The following GRM7 variants were observed in gnomAD, a reference collection of about 807,000 sequenced individuals.
GRM7 encodes the protein glutamate metabotropic receptor 7.
In GRM7, 35 loss-of-function variants were observed where a neutral mutation model predicts 84.5. The observed-to-expected ratio is 0.41, with a 90% CI of 0.32 to 0.55. The LOEUF is 0.55. Among genes scored for constraint, GRM7 ranks in the 20% least tolerant of loss-of-function variants. The probability of loss-of-function intolerance (pLI) is 0.19; values close to 1 mark genes in which losing one functional copy is unlikely to be tolerated. For missense variants in GRM7, 1,003 were observed against 1,194.6 expected, an observed-to-expected ratio of 0.84 and a Z score of 2.36; for synonymous variants, 487 against 455.1, an observed-to-expected ratio of 1.07 and a Z score of -0.89.
chr3:6,886,692 G>A (rs901945937), intron 1 of GRM7, among the ~76,000 whole-genome samples: 2 of 151,664 alleles, frequency 1.3e-5, no homozygotes, highest in African/African-American at 4.8e-5. Flanking sequence ...CTGCTTAGGC[G>A]AGATGGTAAA....
intron 1 of GRM7, among the ~76,000 whole-genome samples, chr3:7,005,689 T>C (rs1695158206): frequency 6.6e-6 from 1 of 152,194 alleles, no homozygotes; most frequent in East Asian, 1.9e-4. Flanking sequence ...AGAATCAAAA[T>C]TTTAATTTAA....
At chr3:6,881,698 A>T (rs1324217348) in intron 1 of GRM7, among the ~76,000 whole-genome samples, 1 of 152,156 alleles carries the variant, frequency 6.6e-6, no homozygotes, top group Non-Finnish European at 1.5e-5. Flanking sequence ...ACTCAACATC[A>T]CTGATCATTA....
chr3:6,882,298 C>G lies in GRM7; in HGVS notation c.519+20391C>G, dbSNP rs150621711. 3.5e-4 allele frequency among the ~76,000 whole-genome samples: 53 copies of G among 152,130 alleles called. No homozygotes were observed. In the East Asian group the frequency reaches 9.7e-3, roughly 28 times the overall value. ...AGGGTAATTGGAAAATTCGGGAAAT[C>G]TAAAGCTTCTTGTTGAAAATTAAAA... is the stretch of plus-strand genomic sequence containing the variant. On this transcript the variant is annotated intron_variant, in intron 1 of 9. Transcript: ENST00000357716.
At chr3:7,363,291 A>G (rs1348973273) in intron 4 of GRM7, among the ~76,000 whole-genome samples, 3 of 152,026 alleles carry the variant, frequency 2.0e-5, no homozygotes, top group African/African-American at 4.8e-5. Context: ...CTTTAAGATG[A>G]TTTGTTCTGC....
At chr3:7,597,542 A>G (rs1353288370) in intron 8 of GRM7, among the ~76,000 whole-genome samples, 1 of 152,134 alleles carries the variant, frequency 6.6e-6, no homozygotes, top group African/African-American at 2.4e-5. Flanking sequence ...ATGATCTTCC[A>G]TTACCAGACT....
chr3:6,888,082 GT>G (rs1458808831), intron 1 of GRM7, among the ~76,000 whole-genome samples: 10 of 151,994 alleles, frequency 6.6e-5, no homozygotes, highest in Admixed American at 1.3e-4. Flanking sequence ...GGGGTTGTTT[GT>G]TTTTTTCTTG....
chr3:6,956,615 C>T (rs1448930739), intron 1 of GRM7: 2 of 456,588 alleles, frequency 4.4e-6, no homozygotes, highest in Admixed American at 4.7e-5. Context: ...AAACGTCCTT[C>T]AAAAGTAAGT....
chr3:7,712,597 T>A (rs912363142), intron 9 of GRM7, among the ~76,000 whole-genome samples: 3 of 151,908 alleles, frequency 2.0e-5, no homozygotes, highest in Non-Finnish European at 1.5e-5. Flanking sequence ...AAATCTCACC[T>A]TTGTTAAGTA....
At chr3:7,322,832 C>G (rs935817421) in intron 4 of GRM7, among the ~76,000 whole-genome samples, 1 of 151,948 alleles carries the variant, frequency 6.6e-6, no homozygotes, top group African/African-American at 2.4e-5. Flanking sequence ...AGTTGAAGCA[C>G]AAAATTCGTT....
intron 4 of GRM7, among the ~76,000 whole-genome samples, chr3:7,373,116 G>A (rs1433428724): frequency 6.6e-6 from 1 of 152,086 alleles, no homozygotes; most frequent in African/African-American, 2.4e-5. Context: ...TCAGTATGAA[G>A]TTACACAGTT....
intron 5 of GRM7, among the ~76,000 whole-genome samples, chr3:7,422,695 A>G (rs1559311152): frequency 6.6e-6 from 1 of 152,146 alleles, no homozygotes; most frequent in African/African-American, 2.4e-5. Context: ...AGTACTGACC[A>G]TATAACACTG....
chr3:7,740,111 A>C (rs144545170), intron 9 of GRM7, among the ~76,000 whole-genome samples: 1 of 152,192 alleles, frequency 6.6e-6, no homozygotes, highest in Non-Finnish European at 1.5e-5. Context: ...TTATTAATAG[A>C]GTATAAAGAG....
At chr3:7,452,572 GTGTGTGTGT>G in intron 5 of GRM7, 26 bp from the exon 6 acceptor site, 1 of 1,281,236 alleles carries the variant, frequency 7.8e-7, no homozygotes, top group Non-Finnish European at 1.1e-6. Flanking sequence ...GTGTGTGTGT[GTGTGTGTGT>G]GTGTGTTTCT....
chr3:7,213,769 C>A (rs988609041), intron 2 of GRM7, among the ~76,000 whole-genome samples: 1 of 152,094 alleles, frequency 6.6e-6, no homozygotes, highest in East Asian at 1.9e-4. Context: ...ATGGACTGCC[C>A]CTGGAGACGG....
chr3:7,324,875 C>A (rs1700924628), intron 4 of GRM7, among the ~76,000 whole-genome samples: 1 of 152,140 alleles, frequency 6.6e-6, no homozygotes, highest in African/African-American at 2.4e-5. Flanking sequence ...CTAACCTTGG[C>A]CCAGCACCTG....
At chr3:6,965,405 C>A (rs1332128032) in intron 1 of GRM7, among the ~76,000 whole-genome samples, 1 of 152,100 alleles carries the variant, frequency 6.6e-6, no homozygotes, top group African/African-American at 2.4e-5. Flanking sequence ...GCAGCCTCAA[C>A]CTCCCAGGCT....
chr3:7,095,093 G>C (rs1235353078), intron 1 of GRM7, among the ~76,000 whole-genome samples: 1 of 151,622 alleles, frequency 6.6e-6, no homozygotes, highest in Non-Finnish European at 1.5e-5. Context: ...CTTGGTCTCT[G>C]GTGTTGATTT....
chr3:7,299,354 A>G (rs1314693631), intron 3 of GRM7, among the ~76,000 whole-genome samples: 2 of 152,178 alleles, frequency 1.3e-5, no homozygotes, highest in Non-Finnish European at 2.9e-5. Flanking sequence ...CAAGCCACAT[A>G]GAAACAAGCT....
chr3:7,558,226 A>G (rs1331342454), intron 7 of GRM7, among the ~76,000 whole-genome samples: 2 of 152,092 alleles, frequency 1.3e-5, no homozygotes, highest in African/African-American at 4.8e-5. Flanking sequence ...TTCCAAGTTC[A>G]GGGGAATAAT....
Sources: gnomAD v4.1 joint callset for allele counts (sites outside exome capture counted in the v4.1 genomes callset) on GRCh38, gnomAD v4.1.1 for gene constraint, MANE v1.5 for transcripts, NCBI Gene and HGNC (gene_info 2026-07-23, HGNC 2026-07-21) for gene names.